The following HEATR5B variants were observed in gnomAD, a reference collection of about 807,000 sequenced individuals.
HEATR5B encodes the protein HEAT repeat containing 5B, also known as HEAT repeat-containing protein 5B.
HEATR5B carries 156 observed loss-of-function variants against 224.1 expected under a neutral mutation model. That is an observed-to-expected ratio of 0.70 (90% CI 0.61 to 0.80). The LOEUF is 0.80. HEATR5B is among the 30% of genes least tolerant of loss of function. HEATR5B has a pLI of 0.00. For missense variants in HEATR5B, 2,323 were observed against 2,535.5 expected (o/e 0.92, Z 1.80); for synonymous variants, 1,027 against 893.0 (o/e 1.15, Z -2.68).
chr2:37,005,756 A>G lies in HEATR5B; in HGVS notation c.4781T>C (p.Val1594Ala). The stretch of plus-strand genomic sequence containing the variant: ...AGGGGAACAAAGAAACTGTATACTC[A>G]CACCTGAAATGCACAAAATAAAAAC... ...NKDRMHLILG[V>A]SIQFLCSPRP... The change falls in exon 30 of 36, where the codon GTG (valine) becomes GCG (alanine). Residue 1594 changes from valine to alanine, a missense_variant. Val to Ala is a moderately conservative substitution (Grantham distance 64). This residue lies in a region of HEATR5B where 844 missense variants were observed against 812.9 expected (regional missense o/e 1.04). Transcript: ENST00000233099. The G allele has an allele frequency of 6.3e-7, 1 of 1,577,354 alleles. No homozygotes were observed. The highest frequency in any genetic ancestry group is 8.6e-7 in the Non-Finnish European group (1 of 1,167,466).
intron 16 of HEATR5B, among the ~76,000 whole-genome samples, chr2:37,054,583 CAT>C (rs1252712352): frequency 2.3e-4 from 34 of 147,528 alleles, no homozygotes; most frequent in Non-Finnish European, 7.4e-5. Flanking sequence ...CTCCTGGGTT[CAT>C]ATGATTCTCC....
In HEATR5B at chr2:37,056,635, A is replaced by G. The variant is rs1429053810; in HGVS notation, c.2224-20T>C. The G allele has an allele frequency of 1.3e-6, 2 of 1,564,944 alleles. No individual in the cohort carries two copies. The highest frequency in any genetic ancestry group is 2.3e-5 in the East Asian group (1 of 43,550). Reference sequence around the variant, plus strand: ...CTGGAGCTGCAAAAGAGTGAAATAAAAATTATTCAAAATCTACTTTAGGAA... The same window carrying G: ...CTGGAGCTGCAAAAGAGTGAAATAAGAATTATTCAAAATCTACTTTAGGAA... On this transcript the variant is annotated intron_variant, in intron 15 of 35. Coordinates refer to ENST00000233099, the MANE Select transcript of HEATR5B (RefSeq NM_019024.3).
chr2:37,056,126 A>AT (rs376790979), intron 16 of HEATR5B, among the ~76,000 whole-genome samples: 129 of 146,678 alleles, frequency 8.8e-4, no homozygotes, highest in Middle Eastern at 3.7e-3. Flanking sequence ...ATTATAATGC[A>AT]TTTTTTTTTT....
intron 18 of HEATR5B, among the ~76,000 whole-genome samples, chr2:37,046,545 A>T (rs2148513349): frequency 6.6e-6 from 1 of 151,828 alleles, no homozygotes. Flanking sequence ...AGGCTGAGGC[A>T]CAAGAATCAC....
chr2:37,052,441 G>A (rs1670620148), intron 17 of HEATR5B, among the ~76,000 whole-genome samples: 1 of 152,176 alleles, frequency 6.6e-6, no homozygotes, highest in Admixed American at 6.5e-5. Context: ...CCATGGCCAT[G>A]ATTTTTGTAA....
At chr2:36,990,572 A>G in intron 34 of HEATR5B, 76 bp downstream of exon 34, 1 of 1,306,094 alleles carries the variant, frequency 7.7e-7, no homozygotes, top group East Asian at 2.4e-5. Context: ...TGTATCACAT[A>G]TTTTAATGAA....
At chr2:37,043,351 T>C (rs976334232) in intron 18 of HEATR5B, among the ~76,000 whole-genome samples, 1 of 152,254 alleles carries the variant, frequency 6.6e-6, no homozygotes, top group Non-Finnish European at 1.5e-5. Flanking sequence ...GCAAAGGTCA[T>C]GGCAAAAGTT....
chr2:37,049,473 A>G (rs1367569985), intron 18 of HEATR5B, among the ~76,000 whole-genome samples, 180 bp downstream of exon 18: 1 of 152,212 alleles, frequency 6.6e-6, no homozygotes, highest in Non-Finnish European at 1.5e-5. Flanking sequence ...AACATATTAC[A>G]ACTTTCCCAG....
intron 8 of HEATR5B, among the ~76,000 whole-genome samples, chr2:37,067,176 A>T (rs1671638809): frequency 6.6e-6 from 1 of 152,064 alleles, no homozygotes; most frequent in African/African-American, 2.4e-5. Flanking sequence ...GCCTGGCCAA[A>T]TAACTCTTGT....
intron 22 of HEATR5B, among the ~76,000 whole-genome samples, chr2:37,031,648 T>C (rs1669140463): frequency 6.6e-6 from 1 of 152,130 alleles, no homozygotes; most frequent in South Asian, 2.1e-4. Context: ...TACTGTCTAC[T>C]GGTAGATTTT....
intron 28 of HEATR5B, chr2:37,008,402 A>G (rs1667566541): frequency 3.4e-6 from 2 of 588,240 alleles, no homozygotes; most frequent in African/African-American, 1.9e-5. Context: ...GCTTGCTAAT[A>G]TGTTTGCTTC....
chr2:37,002,360 C>T lies in HEATR5B; in HGVS notation c.5263G>A (p.Val1755Met). 1 of 1,614,238 alleles carries T rather than the reference C, an allele frequency of 6.2e-7. No individual in the cohort carries two copies. Among genetic ancestry groups the T allele is most frequent in the Non-Finnish European group, 8.5e-7 (1 of 1,180,042 alleles). Reference protein sequence around the residue: ...TRLSEESARLVAATVTILSDL... With the variant: ...TRLSEESARLMAATVTILSDL... ...GAGAGTATGGTAACTGTGGCTGCCACCAAACGAGCACTTTCTTCTGATAGT... is the reference window on the plus strand; with the variant it reads ...GAGAGTATGGTAACTGTGGCTGCCATCAAACGAGCACTTTCTTCTGATAGT... Residue 1755 changes from valine to methionine, a missense_variant, in exon 32 of 36, where the codon GTG becomes ATG. This residue lies in a region of HEATR5B where 844 missense variants were observed against 812.9 expected (regional missense o/e 1.04). Transcript: ENST00000233099.
chr2:36,986,734 A>C (rs985963159), intron 35 of HEATR5B, among the ~76,000 whole-genome samples: 3 of 152,120 alleles, frequency 2.0e-5, no homozygotes, highest in African/African-American at 7.2e-5. Flanking sequence ...TCTCCCGTCC[A>C]GTCTCCCGAG....
chr2:37,018,753 T>G (rs1668281057), intron 26 of HEATR5B, among the ~76,000 whole-genome samples: 1 of 152,236 alleles, frequency 6.6e-6, no homozygotes, highest in African/African-American at 2.4e-5. Context: ...ATCTTCTCTC[T>G]TTAGGTAAGG....
At chr2:37,066,820 A>C (rs1381223528) in intron 8 of HEATR5B, among the ~76,000 whole-genome samples, 1 of 152,316 alleles carries the variant, frequency 6.6e-6, no homozygotes, top group Non-Finnish European at 1.5e-5. Context: ...ATAGACTATA[A>C]AATACATAAT....
chr2:37,053,467 CTT>C (rs1670687962), intron 17 of HEATR5B, 33 bp downstream of exon 17: 1 of 1,217,634 alleles, frequency 8.2e-7, no homozygotes, highest in Middle Eastern at 2.7e-4. Context: ...TAATTAAAAA[CTT>C]ATTTCAGAAT....
At chr2:37,000,133 A>G (rs986971940) in intron 33 of HEATR5B, among the ~76,000 whole-genome samples, 9 of 151,698 alleles carry the variant, frequency 5.9e-5, no homozygotes, top group Admixed American at 2.0e-4. Context: ...CCTGGAGTGC[A>G]GTGGTGTGAT....
intron 24 of HEATR5B, among the ~76,000 whole-genome samples, chr2:37,022,035 TG>T (rs1668495863): frequency 6.6e-6 from 1 of 152,072 alleles, no homozygotes; most frequent in Non-Finnish European, 1.5e-5. Flanking sequence ...AAACCCCCTT[TG>T]GAAAAAACAC....
At chr2:36,987,196 A>G (rs1382543704) in intron 35 of HEATR5B, among the ~76,000 whole-genome samples, 1 of 152,176 alleles carries the variant, frequency 6.6e-6, no homozygotes, top group East Asian at 1.9e-4. Flanking sequence ...TGGGAGGCTG[A>G]GGCAGGTGGA....
Sources: gnomAD v4.1 joint callset for allele counts (sites outside exome capture counted in the v4.1 genomes callset) on GRCh38, gnomAD v4.1.1 for gene constraint, gnomAD v4.1.1 regional missense constraint, MANE v1.5 for transcripts, NCBI Gene and HGNC (gene_info 2026-07-23, HGNC 2026-07-21) for gene names.